The following ANXA4 variants were observed in gnomAD, a reference collection of about 807,000 sequenced individuals.
The protein encoded by ANXA4 is annexin A4, also known as 35-beta calcimedin.
A neutral mutation model predicts 49.8 loss-of-function variants in ANXA4; 39 were observed. That is an observed-to-expected ratio of 0.78 (90% CI 0.61 to 1.02). ANXA4 has a LOEUF of 1.02. ANXA4 is among the 50% of genes least tolerant of loss of function. ANXA4 has a pLI of 0.00. For missense variants in ANXA4, 360 were observed against 410.1 expected (o/e 0.88, Z 1.05); for synonymous variants, 134 against 152.5 (o/e 0.88, Z 0.89).
chr2:69,740,858 T>TG (rs1670374566), upstream of ANXA4, among the ~76,000 whole-genome samples: 2 of 141,408 alleles, frequency 1.4e-5, no homozygotes, highest in African/African-American at 5.4e-5. Context: ...TATATATGTT[T>TG]TTTTTTTTTT....
rs187010461 is a variant in ANXA4 at position 69,703,290 on chromosome 2, A to G, written n.767-17484A>G. Among the ~76,000 whole-genome samples, 20 of 151,934 alleles carry G rather than the reference A, an allele frequency of 1.3e-4. No individual in the cohort carries two copies. In the East Asian group the frequency reaches 3.9e-3, roughly 29 times the overall value. ...AAAATATAATTCACATATAAAATGT[A>G]CCCTTTTAAAGTATGCAATTCAGTG... is the stretch of plus-strand genomic sequence containing the variant. On this transcript the variant is annotated intron_variant and non_coding_transcript_variant, in intron 2 of 3. Transcript: ENST00000418066.
At chr2:69,737,188 G>C (rs1432784787), upstream of ANXA4, among the ~76,000 whole-genome samples, 1 of 152,150 alleles carries the variant, frequency 6.6e-6, no homozygotes, top group Non-Finnish European at 1.5e-5. Flanking sequence ...TCCGATTCTG[G>C]ATCCTTTATG....
In ANXA4 at chr2:69,826,478, T is replaced by G. The variant is rs1674475597; in HGVS notation, c.*963T>G. On this transcript the variant is annotated 3_prime_UTR_variant, in exon 13 of 13. Coordinates refer to ENST00000394295, the MANE Select transcript of ANXA4 (RefSeq NM_001153.5). ...ACTTTGTAAGAACGTGGAAAAATAATTTTAATTTAAAAATGGTGTTTTTAG... is the reference window on the plus strand; with the variant it reads ...ACTTTGTAAGAACGTGGAAAAATAAGTTTAATTTAAAAATGGTGTTTTTAG... The G allele has an allele frequency of 6.6e-6, 1 of 152,390 alleles. No homozygotes were observed. Among genetic ancestry groups the G allele is most frequent in the Non-Finnish European group, 1.5e-5 (1 of 68,044 alleles). 9.4% of individuals were successfully genotyped at this position (152,390 alleles called of 1,614,324 possible). A position where few individuals can be genotyped will look rare whatever the true frequency, so the allele number is the denominator to read the frequency against.
At chr2:69,745,313 C>G (rs1320840554) in intron 1 of ANXA4, among the ~76,000 whole-genome samples, 2 of 152,050 alleles carry the variant, frequency 1.3e-5, no homozygotes, top group East Asian at 3.9e-4. Context: ...AGAGCTCTGT[C>G]ACTACAAGTT....
At chr2:69,656,939 T>C (rs937269646) in intron 2 of ANXA4, among the ~76,000 whole-genome samples, 2 of 151,992 alleles carry the variant, frequency 1.3e-5, no homozygotes, top group African/African-American at 4.8e-5. Context: ...TGAAATATCA[T>C]ACACTGTGAG....
intron 12 of ANXA4, among the ~76,000 whole-genome samples, chr2:69,823,712 TATAA>T (rs1164773425): frequency 6.6e-6 from 1 of 152,186 alleles, no homozygotes; most frequent in Non-Finnish European, 1.5e-5. Context: ...CATTCAAATG[TATAA>T]ATAAGAAACT....
chr2:69,748,090 G>C (rs1027422075), intron 1 of ANXA4, among the ~76,000 whole-genome samples: 1 of 151,952 alleles, frequency 6.6e-6, no homozygotes, highest in African/African-American at 2.4e-5. Flanking sequence ...TTAGAGAAAA[G>C]GCAAGCCAGG....
chr2:69,647,386 T>TA (rs1246436743), intron 1 of ANXA4, among the ~76,000 whole-genome samples: 2 of 136,852 alleles, frequency 1.5e-5, no homozygotes, highest in African/African-American at 5.7e-5. Context: ...GTTTTATTTT[T>TA]ATTTTATTTA....
intron 2 of ANXA4, among the ~76,000 whole-genome samples, chr2:69,697,360 G>A (rs532487177): frequency 6.6e-6 from 1 of 152,326 alleles, no homozygotes; most frequent in South Asian, 2.1e-4. Context: ...ATTGAAAAGA[G>A]TTTAGTGCCT....
chr2:69,793,858 C>A (rs1192409511), intron 3 of ANXA4, among the ~76,000 whole-genome samples: 3 of 95,402 alleles, frequency 3.1e-5, no homozygotes, highest in African/African-American at 2.6e-4. Context: ...ATTCAGTCAA[C>A]TGAGAAAAAA....
intron 2 of ANXA4, among the ~76,000 whole-genome samples, chr2:69,671,025 C>CAAAAAAAAAAAAAAAAAAA (rs762968256): frequency 3.1e-5 from 1 of 32,546 alleles, no homozygotes; most frequent in Non-Finnish European, 6.3e-5. Flanking sequence ...GACTCCATCT[C>CAAAAAAAAAAAAAAAAAAA]AAAAAAAAAA....
intron 3 of ANXA4, among the ~76,000 whole-genome samples, chr2:69,729,176 G>A (rs952705211): frequency 6.6e-6 from 1 of 152,190 alleles, no homozygotes; most frequent in Non-Finnish European, 1.5e-5. Flanking sequence ...ACCATGCACA[G>A]CTAATTTTCA....
At chr2:69,687,615 G>A (rs1355225629) in intron 2 of ANXA4, among the ~76,000 whole-genome samples, 3 of 152,118 alleles carry the variant, frequency 2.0e-5, no homozygotes, top group South Asian at 2.1e-4. Context: ...CAGAATATGG[G>A]CAATGACCTT....
At chr2:69,684,052 A>T (rs1050335171) in intron 2 of ANXA4, among the ~76,000 whole-genome samples, 2 of 152,254 alleles carry the variant, frequency 1.3e-5, no homozygotes, top group Non-Finnish European at 2.9e-5. Flanking sequence ...GCTGCTAAAT[A>T]TACTGAATTA....
intron 2 of ANXA4, among the ~76,000 whole-genome samples, chr2:69,695,600 G>A (rs1056064317): frequency 2.0e-5 from 3 of 152,332 alleles, no homozygotes; most frequent in South Asian, 4.1e-4. Context: ...CCACGCTGGG[G>A]AGAGCTGGCA....
chr2:69,823,040 TTATTTA>T lies in ANXA4; in HGVS notation c.906+2229_906+2234del, dbSNP rs1281013707. On this transcript the variant is annotated intron_variant, in intron 12 of 12. Coordinates refer to ENST00000394295, the MANE Select transcript of ANXA4 (RefSeq NM_001153.5). ...TTTATATTATTTACATGGCTTTATGTTATTTATATTTATATCAATAATATGGTATTA... is the reference window on the plus strand; with the variant it reads ...TTTATATTATTTACATGGCTTTATGTTATTTATATCAATAATATGGTATTA... Among the ~76,000 whole-genome samples, 14 of 150,354 alleles carry T rather than the reference TTATTTA, an allele frequency of 9.3e-5. 1 individual carries two copies. In the East Asian group the frequency reaches 1.9e-3, roughly 21 times the overall value.
intron 3 of ANXA4, among the ~76,000 whole-genome samples, chr2:69,721,722 G>A (rs1669816507): frequency 6.6e-6 from 1 of 151,992 alleles, no homozygotes; most frequent in South Asian, 2.1e-4. Flanking sequence ...ACTCTGGATT[G>A]TTTAAACTCC....
chr2:69,807,358 C>T lies in ANXA4; in HGVS notation c.307-548C>T, dbSNP rs115802067. Reference sequence around the variant, plus strand: ...GTTCCTGGCTTCCCTAGATGACGTACCCACTGTGCCCTAGCCTGGTCTGCC... The same window carrying T: ...GTTCCTGGCTTCCCTAGATGACGTATCCACTGTGCCCTAGCCTGGTCTGCC... On this transcript the variant is annotated intron_variant, in intron 5 of 12. Coordinates refer to ENST00000394295, the MANE Select transcript of ANXA4 (RefSeq NM_001153.5). 4.8e-3 allele frequency among the ~76,000 whole-genome samples: 738 copies of T among 152,250 alleles called. 6 individuals are homozygous for T. Among genetic ancestry groups the T allele is most frequent in the African/African-American group, 0.017 (692 of 41,554 alleles).
At chr2:69,778,861 G>A (rs1229072981) in intron 1 of ANXA4, among the ~76,000 whole-genome samples, 1 of 151,438 alleles carries the variant, frequency 6.6e-6, no homozygotes, top group Non-Finnish European at 1.5e-5. Flanking sequence ...ACTTTGGGAG[G>A]CTGAGGTGGG....
Sources: gnomAD v4.1 joint callset for allele counts (sites outside exome capture counted in the v4.1 genomes callset) on GRCh38, gnomAD v4.1.1 for gene constraint, MANE v1.5 for transcripts, NCBI Gene and HGNC (gene_info 2026-07-23, HGNC 2026-07-21) for gene names.